Variants in ANKS1A observed in about 807,000 individuals in gnomAD.
The protein encoded by ANKS1A is ankyrin repeat and SAM domain-containing protein 1A.
In ANKS1A, 55 loss-of-function variants were observed where a neutral mutation model predicts 120.3. That is an observed-to-expected ratio of 0.46 (90% confidence interval 0.37 to 0.57). The LOEUF (loss-of-function observed/expected upper bound fraction) is 0.57, where lower values mean the gene tolerates loss of function less well. ANKS1A is among the 20% of genes least tolerant of loss of function. ANKS1A has a pLI of 0.00. For synonymous variants in ANKS1A, 590 were observed against 604.7 expected (o/e 0.98, Z 0.36); for missense variants, 1,123 against 1,480.3 (o/e 0.76, Z 3.96).
the ANKS1A span, among the ~76,000 whole-genome samples, chr6:35,097,508 C>CAAA: frequency 8.4e-4 from 117 of 139,654 alleles, 1 homozygote; most frequent in African/African-American, 2.8e-3. Flanking sequence ...GACTCCGTCT[C>CAAA]AAAAAAAAAA....
rs371438864 is a variant in ANKS1A, at chr6:35,089,427, G to T, written c.*818G>T. 17 of 986,592 alleles carry T rather than the reference G, an allele frequency of 1.7e-5. No homozygotes were observed. Among genetic ancestry groups the T allele is most frequent in the Non-Finnish European group, 2.0e-5 (17 of 830,626 alleles). The allele number at this position is 986,592 out of a possible 1,614,324, so 61.1% of individuals were successfully genotyped here. ...GCACTGCCCTGGGCTGGCCGGCGCC[G>T]TACTGCCTGCGTTGTGTCAGAGAAT... On this transcript the variant is annotated 3_prime_UTR_variant, in exon 24 of 24. Coordinates refer to ENST00000360359, the MANE Select transcript of ANKS1A (RefSeq NM_015245.3).
At chr6:35,038,151 G>T in intron 11 of ANKS1A, 1 of 456,030 alleles carries the variant, frequency 2.2e-6, no homozygotes, top group Non-Finnish European at 4.4e-6. Flanking sequence ...ACTCCAACCC[G>T]CACCCCCATC....
chr6:34,901,733 A>G (rs1767360931), intron 1 of ANKS1A, among the ~76,000 whole-genome samples: 1 of 152,136 alleles, frequency 6.6e-6, no homozygotes, highest in Admixed American at 6.5e-5. Context: ...CTGGTCTTGA[A>G]TTCCTGGGCT....
At chr6:35,055,131 G>C (rs1181444887) in intron 12 of ANKS1A, among the ~76,000 whole-genome samples, 3 of 152,198 alleles carry the variant, frequency 2.0e-5, no homozygotes, top group Non-Finnish European at 2.9e-5. Context: ...CAGGGAGAAA[G>C]GAACATCAGA....
At chr6:35,063,193 G>A (rs1020363999) in intron 13 of ANKS1A, among the ~76,000 whole-genome samples, 6 of 152,200 alleles carry the variant, frequency 3.9e-5, no homozygotes, top group African/African-American at 1.4e-4. Flanking sequence ...AGAGGGAAAC[G>A]TGGCTCACAC....
chr6:35,079,771 T>G, intron 15 of ANKS1A, 50 bp from the exon 16 acceptor site: 1 of 1,605,468 alleles, frequency 6.2e-7, no homozygotes, highest in Non-Finnish European at 8.5e-7. Context: ...GAGCGGACTG[T>G]GAGTGAGTTG....
the ANKS1A span, among the ~76,000 whole-genome samples, chr6:35,097,931 A>T: frequency 6.6e-6 from 1 of 152,248 alleles, no homozygotes; most frequent in Non-Finnish European, 1.5e-5. Context: ...TGGATTAGTT[A>T]TTGGAGCAAA....
Position 34,889,279 on chromosome 6 carries a change from C to T in ANKS1A, c.-124C>T. On this transcript the variant is annotated 5_prime_UTR_variant, in exon 1 of 24. Coordinates refer to ENST00000360359, the MANE Select transcript of ANKS1A (RefSeq NM_015245.3). This position sits in a 1 kb window ranked among gnomAD's most constrained non-coding sequence, Gnocchi z 5.5. ...AAGTGACGCGCTCGTGGGGAAAAGGCAGGGAGGGGGTGGTGTCCCCAGCCG... is the reference window on the plus strand; with the variant it reads ...AAGTGACGCGCTCGTGGGGAAAAGGTAGGGAGGGGGTGGTGTCCCCAGCCG... The T allele has an allele frequency of 1.7e-6, 2 of 1,196,580 alleles. No individual in the cohort carries two copies. The highest frequency in any genetic ancestry group is 1.6e-5 in the African/African-American group (1 of 63,380). The allele number at this position is 1,196,580 out of a possible 1,614,324, so 74.1% of individuals were successfully genotyped here.
intron 1 of ANKS1A, among the ~76,000 whole-genome samples, chr6:34,960,877 C>T (rs1402219540): frequency 6.6e-6 from 1 of 152,158 alleles, no homozygotes; most frequent in Non-Finnish European, 1.5e-5. Context: ...AATGCAGAGA[C>T]AGTAGTGTGG....
At position 35,084,369 on chromosome 6, in the gene ANKS1A, G is replaced by A. The variant is rs1777853219; in HGVS notation, c.3132+111G>A. 2 of 1,439,062 alleles carry A rather than the reference G, an allele frequency of 1.4e-6. No individual in the cohort carries two copies. The highest frequency in any genetic ancestry group is 1.4e-5 in the African/African-American group (1 of 70,958). 89.1% of individuals were successfully genotyped at this position (1,439,062 alleles called of 1,614,324 possible). On this transcript the variant is annotated intron_variant, in intron 21 of 23. Coordinates refer to ENST00000360359, the MANE Select transcript of ANKS1A (RefSeq NM_015245.3). This position sits in a 1 kb window ranked among gnomAD's most constrained non-coding sequence, Gnocchi z 4.8. ...CTGTCCTGGCCCCTGGCCAGTGCCT[G>A]GCAAATGTTTGGTTCATGAATGGAG...
At chr6:34,944,909 G>A (rs1001344602) in intron 1 of ANKS1A, among the ~76,000 whole-genome samples, 1 of 152,136 alleles carries the variant, frequency 6.6e-6, no homozygotes, top group Non-Finnish European at 1.5e-5. Context: ...CAGAGCAGAA[G>A]TTTTTAATTT....
intron 1 of ANKS1A, among the ~76,000 whole-genome samples, chr6:34,956,332 G>A (rs1325086341): frequency 6.6e-6 from 1 of 151,258 alleles, no homozygotes; most frequent in Non-Finnish European, 1.5e-5. Flanking sequence ...TCATATCTTT[G>A]AGTCATTTTT....
At chr6:34,921,546 T>A (rs1001890861) in intron 1 of ANKS1A, among the ~76,000 whole-genome samples, 3 of 152,210 alleles carry the variant, frequency 2.0e-5, no homozygotes, top group Non-Finnish European at 4.4e-5. Context: ...AATGACACAG[T>A]CTCAGATGAT....
chr6:35,082,003 G>GC lies in ANKS1A; in HGVS notation c.2710-686dup, dbSNP rs1777710281. On this transcript the variant is annotated intron_variant, in intron 17 of 23. Transcript: ENST00000360359. The surrounding 1 kb of genome is among the most constrained non-coding windows in gnomAD (Gnocchi z 4.1). ...CTTCCTTTCCCTTTCTACAAGCACA[G>GC]CCATGAGTTTTAAAGGATTTTTAAA... is the stretch of plus-strand genomic sequence containing the variant. Among the ~76,000 whole-genome samples the GC allele has an allele frequency of 6.6e-6, 1 of 152,208 alleles. No homozygotes were observed. The highest frequency in any genetic ancestry group is 1.5e-5 in the Non-Finnish European group (1 of 68,044).
chr6:35,056,348 C>A (rs562850699), intron 12 of ANKS1A, among the ~76,000 whole-genome samples: 70 of 152,252 alleles, frequency 4.6e-4, no homozygotes, highest in Admixed American at 2.6e-4. Flanking sequence ...GAGTGCAGCG[C>A]GGTGATCTCC....
rs1772737457 is a variant in ANKS1A, at chr6:34,994,369, T to G, written c.1370T>G (p.Leu457Arg). 1 of 1,613,720 alleles carries G rather than the reference T, an allele frequency of 6.2e-7. No homozygotes were observed. ...AREEDEHPYE[L>R]LLTAETKKVV... ...GAAGAAGACGAACACCCTTATGAAC[T>G]GTTGTTAACAGCAGAGACAAAGAAA... Residue 457 changes from leucine to arginine, a missense_variant, in exon 10 of 24, where the codon CTG becomes CGG. Leu to Arg is a moderately radical substitution (Grantham distance 102). This residue lies in a region of ANKS1A where 904 missense variants were observed against 1,130.4 expected (regional missense o/e 0.80). Transcript: ENST00000360359.
chr6:34,909,155 T>C (rs1396099074), intron 1 of ANKS1A, among the ~76,000 whole-genome samples: 1 of 152,144 alleles, frequency 6.6e-6, no homozygotes, highest in African/African-American at 2.4e-5. Context: ...CATGTTTCTT[T>C]TTCTCCACCG....
At chr6:34,991,877 T>G (rs1174105602) in intron 9 of ANKS1A, among the ~76,000 whole-genome samples, 3 of 145,338 alleles carry the variant, frequency 2.1e-5, no homozygotes, top group Admixed American at 6.9e-5. Flanking sequence ...GATTAAGGAG[T>G]AATTTAGTAA....
chr6:34,981,925 G>A lies in ANKS1A; in HGVS notation c.671G>A (p.Arg224Lys). Residue 224 changes from arginine (R) to lysine (K), a missense_variant, in exon 4 of 24, where the codon AGG becomes AAG. By Grantham distance (26) the Arg-to-Lys change is conservative. Around this residue, in one of 3 missense-constraint regions of ANKS1A, gnomAD observed 146 missense variants for 267.8 expected, o/e 0.55. Transcript: ENST00000360359. ...CACACCCCTCTGCACTTGGCAGCAAGGAATGGCCACAAAGCCGTGGTCCAG... is the reference window on the plus strand; with the variant it reads ...CACACCCCTCTGCACTTGGCAGCAAAGAATGGCCACAAAGCCGTGGTCCAG... ...KKHTPLHLAA[R>K]NGHKAVVQVL... The A allele has an allele frequency of 1.2e-6, 2 of 1,614,182 alleles. No homozygotes were observed. The highest frequency in any genetic ancestry group is 8.5e-7 in the Non-Finnish European group (1 of 1,180,020).
Sources: allele counts gnomAD v4.1 joint callset (sites outside exome capture counted in the v4.1 genomes callset), GRCh38; gene constraint gnomAD v4.1.1; regional missense constraint gnomAD v4.1.1; non-coding constraint Gnocchi (gnomAD v3.1); transcripts MANE v1.5; gene names NCBI Gene and HGNC (gene_info 2026-07-23, HGNC 2026-07-21).